Variants in TAFA2 observed in about 807,000 individuals in gnomAD.
TAFA2 encodes chemokine-like protein TAFA-2.
In TAFA2, 7 loss-of-function variants were observed where a neutral mutation model predicts 18.8. That is an observed-to-expected ratio of 0.37 (90% CI 0.21 to 0.70). TAFA2 has a LOEUF of 0.70. TAFA2 is among the 30% of genes least tolerant of loss of function. The pLI is 0.53. For missense variants in TAFA2, 122 were observed against 158.1 expected (o/e 0.77, Z 1.23); for synonymous variants, 60 against 54.2 (o/e 1.11, Z -0.47).
intron 1 of TAFA2, among the ~76,000 whole-genome samples, chr12:61,910,230 G>C (rs569984496): frequency 8.5e-5 from 13 of 152,060 alleles, no homozygotes; most frequent in African/African-American, 3.1e-4. Context: ...ATGGATTTTA[G>C]GGGTACAATC....
chr12:61,880,726 G>A (rs1875090482), intron 1 of TAFA2: 10 of 371,296 alleles, frequency 2.7e-5, no homozygotes, highest in Non-Finnish European at 4.3e-5. Flanking sequence ...ATCGAGACCC[G>A]CGATGGGAAG....
intron 1 of TAFA2, among the ~76,000 whole-genome samples, chr12:62,036,553 A>G (rs1276112194): frequency 6.6e-6 from 1 of 152,216 alleles, no homozygotes; most frequent in African/African-American, 2.4e-5. Context: ...ATCTGTGTTC[A>G]CCATTCAGCC....
chr12:61,994,061 A>G (rs1880100761), intron 1 of TAFA2, among the ~76,000 whole-genome samples: 1 of 152,174 alleles, frequency 6.6e-6, no homozygotes, highest in Non-Finnish European at 1.5e-5. Context: ...GCTTTTAAGT[A>G]ATACAATTAG....
intron 2 of TAFA2, among the ~76,000 whole-genome samples, chr12:61,850,746 C>T (rs114870405): frequency 0.027 from 4,079 of 151,744 alleles, 68 homozygotes; most frequent in African/African-American, 0.047. Flanking sequence ...ATTTCATAGA[C>T]GAAATTTTAA....
chr12:62,074,437 A>G (rs900610451), intron 1 of TAFA2, among the ~76,000 whole-genome samples: 2 of 152,240 alleles, frequency 1.3e-5, no homozygotes, highest in African/African-American at 4.8e-5. Flanking sequence ...GACATGTCTT[A>G]TGAGCTAATT....
At position 62,256,449 on chromosome 12, in the gene TAFA2, T is replaced by C. The variant is rs369698801; in HGVS notation, c.-130+2314A>G. ...GCTCAACAGTCCCACAACTCCTTATTATCCCCAACAGATTTCCTTCACCCA... is the reference window on the plus strand; with the variant it reads ...GCTCAACAGTCCCACAACTCCTTATCATCCCCAACAGATTTCCTTCACCCA... On this transcript the variant is annotated intron_variant, in intron 1 of 5. Transcript: ENST00000551619. Among the ~76,000 whole-genome samples, 11 of 152,318 alleles carry C rather than the reference T, an allele frequency of 7.2e-5. No homozygotes were observed. The East Asian group carries it at 1.2e-3, about 16-fold the overall frequency.
rs188229185 is a variant in TAFA2, at chr12:61,785,176, T to C, written c.107-30152A>G. ...ACATGTTACTTCTATAAGATCAACT[T>C]TTTTTAGCTTCCATATATGAGTGAG... is the stretch of plus-strand genomic sequence containing the variant. On this transcript the variant is annotated intron_variant, in intron 2 of 4. Coordinates refer to ENST00000416284, the MANE Select transcript of TAFA2 (RefSeq NM_178539.5). Among the ~76,000 whole-genome samples the C allele has an allele frequency of 2.8e-4, 42 of 151,706 alleles. 1 individual carries two copies. The highest frequency in any genetic ancestry group is 3.0e-5 in the Non-Finnish European group (2 of 67,742).
chr12:62,142,181 C>G (rs1378561401), intron 1 of TAFA2, among the ~76,000 whole-genome samples: 1 of 152,166 alleles, frequency 6.6e-6, no homozygotes, highest in Non-Finnish European at 1.5e-5. Flanking sequence ...TTTAACCTAT[C>G]TGAGACAGTT....
At chr12:62,185,220 A>G (rs2062578141) in intron 1 of TAFA2, among the ~76,000 whole-genome samples, 1 of 152,246 alleles carries the variant, frequency 6.6e-6, no homozygotes, top group African/African-American at 2.4e-5. Context: ...CAAGAACTAA[A>G]CTTTTAAAAA....
intron 1 of TAFA2, among the ~76,000 whole-genome samples, chr12:61,965,088 A>G (rs1414561476): frequency 1.3e-5 from 2 of 151,890 alleles, no homozygotes; most frequent in African/African-American, 4.8e-5. Flanking sequence ...GTTAGCTTCT[A>G]TGAAATGTAT....
At chr12:62,023,097 T>A (rs1881199362) in intron 1 of TAFA2, among the ~76,000 whole-genome samples, 1 of 152,188 alleles carries the variant, frequency 6.6e-6, no homozygotes, top group African/African-American at 2.4e-5. Context: ...GCATTAGTGA[T>A]GAAAATGAAG....
At chr12:62,189,455 T>C (rs1463585762) in intron 1 of TAFA2, among the ~76,000 whole-genome samples, 1 of 152,200 alleles carries the variant, frequency 6.6e-6, no homozygotes, top group Non-Finnish European at 1.5e-5. Context: ...ACTCAAACAA[T>C]TGACTCAGGA....
intron 1 of TAFA2, among the ~76,000 whole-genome samples, chr12:61,912,206 T>C (rs918634160): frequency 2.0e-5 from 3 of 152,210 alleles, no homozygotes; most frequent in African/African-American, 7.2e-5. Context: ...AGGGTGGGGA[T>C]TCAAAGTGCT....
At chr12:62,107,954 C>CT (rs1295584334) in intron 1 of TAFA2, among the ~76,000 whole-genome samples, 5 of 151,958 alleles carry the variant, frequency 3.3e-5, no homozygotes, top group Non-Finnish European at 7.4e-5. Flanking sequence ...CTTTTCATGG[C>CT]TTTTTTACCA....
chr12:61,837,831 G>A (rs763916327), intron 2 of TAFA2, among the ~76,000 whole-genome samples: 2 of 151,980 alleles, frequency 1.3e-5, no homozygotes, highest in African/African-American at 4.8e-5. Context: ...ATGAAGAAGT[G>A]CAAAGTGCTA....
intron 1 of TAFA2, among the ~76,000 whole-genome samples, chr12:61,885,710 C>T (rs1875344838): frequency 6.6e-6 from 1 of 152,138 alleles, no homozygotes. Flanking sequence ...ACATAATTGT[C>T]CCCAATGGTA....
intron 1 of TAFA2, among the ~76,000 whole-genome samples, chr12:61,955,945 T>G (rs913800360): frequency 5.3e-5 from 8 of 151,922 alleles, no homozygotes; most frequent in South Asian, 2.1e-4. Flanking sequence ...AATATCTCAA[T>G]GGTATGTACA....
chr12:62,086,751 A>C (rs1868474344), intron 1 of TAFA2, among the ~76,000 whole-genome samples: 1 of 152,088 alleles, frequency 6.6e-6, no homozygotes, highest in Non-Finnish European at 1.5e-5. Context: ...TTAAAAATAG[A>C]ATTACTATGT....
At chr12:61,892,407 T>C (rs978311317) in intron 1 of TAFA2, among the ~76,000 whole-genome samples, 3 of 152,196 alleles carry the variant, frequency 2.0e-5, no homozygotes, top group African/African-American at 7.2e-5. Context: ...TTTAATGCCA[T>C]GCATGTAAAT....
Sources: allele counts gnomAD v4.1 joint callset (sites outside exome capture counted in the v4.1 genomes callset), GRCh38; gene constraint gnomAD v4.1.1; transcripts MANE v1.5; gene names NCBI Gene and HGNC (gene_info 2026-07-23, HGNC 2026-07-21).